The following DIP2B variants were observed in gnomAD, a reference collection of about 807,000 sequenced individuals.
DIP2B encodes DIP2 acetate--CoA ligase B (putative), also known as disco-interacting protein 2 homolog B.
A neutral mutation model predicts 198.0 loss-of-function variants in DIP2B; 76 were observed. That is an observed-to-expected ratio of 0.38 (90% CI 0.32 to 0.46). DIP2B has a LOEUF of 0.46. DIP2B is among the 20% of genes least tolerant of loss of function. DIP2B has a pLI of 0.99. For missense variants in DIP2B, 1,559 were observed against 1,978.4 expected (o/e 0.79, Z 4.02); for synonymous variants, 701 against 739.1 (o/e 0.95, Z 0.84).
At chr12:50,522,620 G>GA (rs1192802781) in intron 1 of DIP2B, among the ~76,000 whole-genome samples, 1 of 152,132 alleles carries the variant, frequency 6.6e-6, no homozygotes. Context: ...CCCTGGCTGG[G>GA]AATTGATTTT....
At chr12:50,623,865 A>T (rs1937877739) in intron 1 of DIP2B, among the ~76,000 whole-genome samples, 1 of 152,140 alleles carries the variant, frequency 6.6e-6, no homozygotes, top group African/African-American at 2.4e-5. Flanking sequence ...TCTATCCCCT[A>T]GATGCCAGTA....
intron 1 of DIP2B, among the ~76,000 whole-genome samples, chr12:50,534,534 G>A (rs972495382): frequency 7.9e-5 from 12 of 151,860 alleles, no homozygotes; most frequent in African/African-American, 2.7e-4. Context: ...CACCACGCCC[G>A]GCTAATTTTT....
At chr12:50,602,044 T>A (rs1958941588) in intron 1 of DIP2B, among the ~76,000 whole-genome samples, 1 of 152,246 alleles carries the variant, frequency 6.6e-6, no homozygotes. Flanking sequence ...AAGGAACTCT[T>A]GGGGTTTTGG....
At chr12:50,549,858 A>T (rs1011524275) in intron 1 of DIP2B, among the ~76,000 whole-genome samples, 2 of 152,056 alleles carry the variant, frequency 1.3e-5, no homozygotes, top group Non-Finnish European at 2.9e-5. Context: ...ATTCTGTTAA[A>T]TTTTTTGTTT....
intron 1 of DIP2B, among the ~76,000 whole-genome samples, chr12:50,572,255 A>G (rs1038783090): frequency 3.9e-5 from 6 of 152,226 alleles, no homozygotes; most frequent in Non-Finnish European, 7.3e-5. Flanking sequence ...CCAGACTAAG[A>G]CCACAGTTTC....
In DIP2B at chr12:50,702,173, C is replaced by T. The variant is rs551242884; in HGVS notation, c.2326-1967C>T. Reference sequence around the variant, plus strand: ...GACCATCCTGTGAATGGTGAAGCCCCGTCTCTACTAAAAATACAAAAAATT... The same window carrying T: ...GACCATCCTGTGAATGGTGAAGCCCTGTCTCTACTAAAAATACAAAAAATT... On this transcript the variant is annotated intron_variant, in intron 19 of 37. Coordinates refer to ENST00000301180, the MANE Select transcript of DIP2B (RefSeq NM_173602.3). Among the ~76,000 whole-genome samples the T allele has an allele frequency of 4.0e-3, 614 of 151,934 alleles. 6 individuals carry two copies. Among genetic ancestry groups the T allele is most frequent in the African/African-American group, 0.013 (552 of 41,444 alleles).
chr12:50,624,189 C>A (rs1937886448), intron 1 of DIP2B, among the ~76,000 whole-genome samples: 1 of 152,178 alleles, frequency 6.6e-6, no homozygotes, highest in African/African-American at 2.4e-5. Context: ...GATTCCAAAT[C>A]TCTCTTTCCT....
chr12:50,520,588 A>G (rs1958108491), intron 1 of DIP2B, among the ~76,000 whole-genome samples: 1 of 152,230 alleles, frequency 6.6e-6, no homozygotes, highest in Non-Finnish European at 1.5e-5. Flanking sequence ...GACCAAGAGA[A>G]GTACTAGAAA....
At chr12:50,657,743 A>C (rs1309634295) in intron 3 of DIP2B, among the ~76,000 whole-genome samples, 1 of 152,218 alleles carries the variant, frequency 6.6e-6, no homozygotes, top group African/African-American at 2.4e-5. Flanking sequence ...AACATTTTAC[A>C]AAATAACTAG....
intron 1 of DIP2B, among the ~76,000 whole-genome samples, chr12:50,612,882 C>T (rs1191670541): frequency 6.6e-6 from 1 of 152,176 alleles, no homozygotes; most frequent in Non-Finnish European, 1.5e-5. Context: ...TTTCCTGTTA[C>T]ACCCCAGCTC....
At chr12:50,709,918 A>G (rs367957730) in intron 22 of DIP2B, among the ~76,000 whole-genome samples, 1 of 152,190 alleles carries the variant, frequency 6.6e-6, no homozygotes, top group South Asian at 2.1e-4. Flanking sequence ...GTAGTGCACT[A>G]TGGTCGCACC....
In DIP2B at chr12:50,727,742, C is replaced by A; in HGVS notation, c.3440C>A (p.Pro1147Gln). Residue 1147 changes from proline to glutamine, a missense_variant, in exon 29 of 38, where the codon CCG (proline) becomes CAG (glutamine). Physicochemically the swap from Pro to Gln is moderately conservative, Grantham distance 76. Transcript: ENST00000301180. ...PRKRLPQLYKPPTPEMLAYLD... is the reference protein window; with the variant it reads ...PRKRLPQLYKQPTPEMLAYLD... ...AAAAGGTTACCTCAGCTGTATAAAC[C>A]GCCCACTCCTGAGATGTTGGCATAT... is the stretch of plus-strand genomic sequence containing the variant. The A allele has an allele frequency of 6.2e-7, 1 of 1,614,154 alleles. No homozygotes were observed.
intron 2 of DIP2B, among the ~76,000 whole-genome samples, chr12:50,634,735 G>A (rs1182098944): frequency 6.6e-6 from 1 of 152,126 alleles, no homozygotes; most frequent in Non-Finnish European, 1.5e-5. Context: ...TCACCTACTG[G>A]AGGAACATTA....
chr12:50,560,939 G>A (rs1392126925), intron 1 of DIP2B, among the ~76,000 whole-genome samples: 1 of 152,186 alleles, frequency 6.6e-6, no homozygotes, highest in African/African-American at 2.4e-5. Flanking sequence ...TTAGAGAAGT[G>A]TCTGGCAAAT....
At chr12:50,561,445 T>C (rs1011101913) in intron 1 of DIP2B, among the ~76,000 whole-genome samples, 1 of 152,092 alleles carries the variant, frequency 6.6e-6, no homozygotes, top group Non-Finnish European at 1.5e-5. Flanking sequence ...TTTTTTTAAG[T>C]GAGAGCTACA....
At chr12:50,550,471 T>A (rs554525949) in intron 1 of DIP2B, among the ~76,000 whole-genome samples, 7 of 152,206 alleles carry the variant, frequency 4.6e-5, no homozygotes, top group Non-Finnish European at 1.0e-4. Context: ...ATTAGTTTAT[T>A]AATAGCTCTA....
intron 22 of DIP2B, among the ~76,000 whole-genome samples, chr12:50,711,323 C>G (rs1196251011): frequency 6.6e-6 from 1 of 152,180 alleles, no homozygotes; most frequent in African/African-American, 2.4e-5. Flanking sequence ...AAATACCTAA[C>G]TCAGCACTTT....
chr12:50,744,381 CAT>C (rs145755814), intron 37 of DIP2B, among the ~76,000 whole-genome samples: 3 of 150,822 alleles, frequency 2.0e-5, no homozygotes, highest in African/African-American at 2.4e-5. Flanking sequence ...AGATGTCTCT[CAT>C]ATATATATAT....
chr12:50,697,332 T>C (rs1939330686), intron 17 of DIP2B, among the ~76,000 whole-genome samples, 157 bp downstream of exon 17: 1 of 152,160 alleles, frequency 6.6e-6, no homozygotes, highest in Non-Finnish European at 1.5e-5. Flanking sequence ...TGCAGTAAAC[T>C]GAAAAATTTA....
Sources: gnomAD v4.1 joint callset for allele counts (sites outside exome capture counted in the v4.1 genomes callset) on GRCh38, gnomAD v4.1.1 for gene constraint, MANE v1.5 for transcripts, NCBI Gene and HGNC (gene_info 2026-07-23, HGNC 2026-07-21) for gene names.